The following CCDC60 variants were observed in gnomAD, a reference collection of about 807,000 sequenced individuals.
CCDC60 encodes coiled-coil domain-containing protein 60.
A neutral mutation model predicts 63.5 loss-of-function variants in CCDC60; 54 were observed. That is an observed-to-expected ratio of 0.85 (90% CI 0.68 to 1.07). The LOEUF (loss-of-function observed/expected upper bound fraction) is 1.07. CCDC60 is among the 50% of genes least tolerant of loss of function. The pLI, the probability that CCDC60 is intolerant of heterozygous loss-of-function variation, is 0.00. For missense variants in CCDC60, 651 were observed against 684.3 expected (o/e 0.95, Z 0.54); for synonymous variants, 206 against 238.8 (o/e 0.86, Z 1.27).
intron 11 of CCDC60, among the ~76,000 whole-genome samples, chr12:119,525,322 A>C (rs990135333): frequency 2.0e-5 from 3 of 152,218 alleles, no homozygotes; most frequent in Admixed American, 6.5e-5. Flanking sequence ...ATTCTATACA[A>C]GAAGATCATC....
chr12:119,536,627 T>C (rs1003831847), intron 13 of CCDC60, among the ~76,000 whole-genome samples: 13 of 152,336 alleles, frequency 8.5e-5, no homozygotes, highest in Admixed American at 5.2e-4. Flanking sequence ...CAAAAATCTC[T>C]CACCATTTGC....
intron 1 of CCDC60, among the ~76,000 whole-genome samples, chr12:119,426,213 G>T (rs1035100904): frequency 1.3e-5 from 2 of 152,108 alleles, no homozygotes; most frequent in Non-Finnish European, 2.9e-5. Flanking sequence ...TCATTACTAA[G>T]AATAGCCAAA....
chr12:119,487,641 C>T (rs1028923830), intron 4 of CCDC60, among the ~76,000 whole-genome samples: 1 of 151,558 alleles, frequency 6.6e-6, no homozygotes, highest in Non-Finnish European at 1.5e-5. Flanking sequence ...TCTCAGTCAC[C>T]AACAGGCTCT....
chr12:119,435,163 C>T (rs1353385978), intron 2 of CCDC60, among the ~76,000 whole-genome samples: 1 of 152,182 alleles, frequency 6.6e-6, no homozygotes, highest in African/African-American at 2.4e-5. Context: ...CCATCTCTCA[C>T]ACTAGCATGT....
At chr12:119,506,552 G>A (rs1952012845) in intron 7 of CCDC60, among the ~76,000 whole-genome samples, 1 of 151,926 alleles carries the variant, frequency 6.6e-6, no homozygotes, top group African/African-American at 2.4e-5. Context: ...CGTAGGGGCT[G>A]ACGTGAGCTG....
rs1231754869 is a variant in CCDC60 at position 119,398,341 on chromosome 12, C to T, written c.91-30342C>T. On this transcript the variant is annotated intron_variant, in intron 1 of 13. Coordinates refer to ENST00000327554, the MANE Select transcript of CCDC60 (RefSeq NM_178499.5). Reference sequence around the variant, plus strand: ...CGGCCAGCCGCTCCTAGTGCGTGGCCCTCCGAGCTTACGCCCACCCGGAAC... The same window carrying T: ...CGGCCAGCCGCTCCTAGTGCGTGGCTCTCCGAGCTTACGCCCACCCGGAAC... 2.6e-5 allele frequency among the ~76,000 whole-genome samples: 4 copies of T among 152,124 alleles called. No homozygotes were observed. In the East Asian group the frequency reaches 5.8e-4, roughly 22 times the overall value.
intron 1 of CCDC60, among the ~76,000 whole-genome samples, chr12:119,379,739 G>A (rs556656935): frequency 6.6e-6 from 1 of 152,308 alleles, no homozygotes; most frequent in South Asian, 2.1e-4. Context: ...GCTAAATATG[G>A]AAAGGCGATG....
chr12:119,522,394 A>G (rs1184754859), intron 9 of CCDC60, among the ~76,000 whole-genome samples: 1 of 152,200 alleles, frequency 6.6e-6, no homozygotes, highest in Non-Finnish European at 1.5e-5. Context: ...GTTGGATGGC[A>G]TGATGAGTTG....
chr12:119,369,173 C>A (rs1187756203), intron 1 of CCDC60, among the ~76,000 whole-genome samples: 1 of 152,126 alleles, frequency 6.6e-6, no homozygotes. Flanking sequence ...TTATACGAGG[C>A]CTTCCTTTCC....
intron 1 of CCDC60, among the ~76,000 whole-genome samples, chr12:119,353,956 G>A (rs935660406): frequency 1.3e-5 from 2 of 151,804 alleles, no homozygotes; most frequent in East Asian, 1.9e-4. Context: ...CCTCTTCCTG[G>A]CTATCTGCTC....
At chr12:119,402,684 T>G (rs890786381) in intron 1 of CCDC60, among the ~76,000 whole-genome samples, 1 of 152,142 alleles carries the variant, frequency 6.6e-6, no homozygotes, top group African/African-American at 2.4e-5. Context: ...ATGGCAGCTG[T>G]TTTTAGTGTG....
At chr12:119,531,525 C>A (rs1435788480) in intron 13 of CCDC60, among the ~76,000 whole-genome samples, 2 of 152,096 alleles carry the variant, frequency 1.3e-5, no homozygotes, top group African/African-American at 4.8e-5. Flanking sequence ...TTAACTCAGG[C>A]AACTGGGAAG....
intron 4 of CCDC60, among the ~76,000 whole-genome samples, chr12:119,485,184 G>C (rs1294174746): frequency 6.6e-6 from 1 of 152,246 alleles, no homozygotes; most frequent in Non-Finnish European, 1.5e-5. Context: ...CCATTTTACA[G>C]ATAAGAAAAC....
intron 1 of CCDC60, among the ~76,000 whole-genome samples, chr12:119,346,676 T>C (rs1260807135): frequency 6.6e-6 from 1 of 152,188 alleles, no homozygotes; most frequent in Non-Finnish European, 1.5e-5. Context: ...TCTTGAGCTT[T>C]TGCTAAAATA....
At chr12:119,358,013 G>C (rs1219241940) in intron 1 of CCDC60, among the ~76,000 whole-genome samples, 1 of 152,098 alleles carries the variant, frequency 6.6e-6, no homozygotes, top group Admixed American at 6.5e-5. Context: ...AAAAGAAAGT[G>C]GGGGGCAAGG....
chr12:119,510,367 C>T (rs1952181655), intron 7 of CCDC60, among the ~76,000 whole-genome samples: 1 of 152,158 alleles, frequency 6.6e-6, no homozygotes, highest in Non-Finnish European at 1.5e-5. Flanking sequence ...CTTGAAATGC[C>T]TGTTCATGCT....
intron 4 of CCDC60, among the ~76,000 whole-genome samples, chr12:119,486,986 T>G (rs530619853): frequency 2.6e-5 from 4 of 152,240 alleles, no homozygotes; most frequent in Non-Finnish European, 5.9e-5. Flanking sequence ...CCCATTAGTG[T>G]TAAGAGGAGA....
At chr12:119,403,441 C>T (rs995217319) in intron 1 of CCDC60, among the ~76,000 whole-genome samples, 3 of 152,138 alleles carry the variant, frequency 2.0e-5, no homozygotes, top group African/African-American at 7.2e-5. Flanking sequence ...AGTCTAGGAG[C>T]ATAACGTCGA....
intron 7 of CCDC60, 88 bp downstream of exon 7, chr12:119,505,391 T>C: frequency 1.2e-6 from 1 of 823,240 alleles, no homozygotes; most frequent in East Asian, 2.5e-5. Flanking sequence ...CAAGTCCACC[T>C]CCACTCATTT....
Sources: allele counts gnomAD v4.1 joint callset (sites outside exome capture counted in the v4.1 genomes callset), GRCh38; gene constraint gnomAD v4.1.1; transcripts MANE v1.5; gene names NCBI Gene and HGNC (gene_info 2026-07-23, HGNC 2026-07-21).